CCDC198: variants seen among roughly 807,000 people sequenced by gnomAD.
CCDC198 encodes the protein factor associated with metabolism and energy.
A neutral mutation model predicts 35.6 loss-of-function variants in CCDC198; 18 were observed. The ratio of observed to expected loss-of-function variants is 0.51; its 90% CI spans 0.35 to 0.75. CCDC198 has a LOEUF of 0.75. Among genes scored for constraint, CCDC198 ranks in the 30% least tolerant of loss-of-function variants. The pLI, the probability that CCDC198 is intolerant of heterozygous loss-of-function variation, is 0.01. For synonymous variants in CCDC198, 119 were observed against 113.4 expected (o/e 1.05, Z -0.31); for missense variants, 365 against 343.7 (o/e 1.06, Z -0.49).
chr14:57,487,961 G>T (rs1165236672), intron 2 of CCDC198, among the ~76,000 whole-genome samples: 12 of 152,126 alleles, frequency 7.9e-5, no homozygotes, highest in Non-Finnish European at 1.5e-5. Flanking sequence ...AGTCTACAGG[G>T]GAGATGACTC....
rs545317188 is a variant in CCDC198, at chr14:57,485,623, G to C, written c.307-2472C>G. Among the ~76,000 whole-genome samples, 17 of 152,258 alleles carry C rather than the reference G, an allele frequency of 1.1e-4. No individual in the cohort carries two copies. In the South Asian group the frequency reaches 2.7e-3, roughly 24 times the overall value. ...CACTTGTAATGGGGAGCATGACCTG[G>C]GTTCCCCACTACTTCCCTGTACAAC... On this transcript the variant is annotated intron_variant, in intron 2 of 5. Transcript: ENST00000216445.
intron 1 of CCDC198, 56 bp downstream of exon 1, chr14:57,493,437 A>C: frequency 7.1e-7 from 1 of 1,415,718 alleles, no homozygotes; most frequent in Non-Finnish European, 1.0e-6. Flanking sequence ...AGATAAACCT[A>C]TTAATAATGC....
At chr14:57,480,211 A>G (rs2067136746) in intron 5 of CCDC198, 5 of 931,058 alleles carry the variant, frequency 5.4e-6, no homozygotes, top group Non-Finnish European at 6.4e-6. Flanking sequence ...GTGTCTGCAT[A>G]TGGTACCAAC....
intron 5 of CCDC198, chr14:57,480,190 C>G (rs1045748097): frequency 1.3e-6 from 1 of 788,576 alleles, no homozygotes; most frequent in Admixed American, 6.2e-5. Flanking sequence ...AGGGTGCAGT[C>G]AGGAAGATAA....
intron 5 of CCDC198, 65 bp from the exon 6 acceptor site, chr14:57,471,655 C>A: frequency 1.2e-6 from 1 of 847,926 alleles, no homozygotes; most frequent in South Asian, 1.9e-5. Context: ...TATTAAGTGC[C>A]TAGCTTAATA....
At chr14:57,477,165 G>A (rs1317931173) in intron 5 of CCDC198, among the ~76,000 whole-genome samples, 1 of 152,198 alleles carries the variant, frequency 6.6e-6, no homozygotes, top group East Asian at 1.9e-4. Context: ...AGAAGCACTT[G>A]TAAATACTAG....
chr14:57,481,128 T>C (rs931183304), intron 4 of CCDC198, among the ~76,000 whole-genome samples: 1 of 152,226 alleles, frequency 6.6e-6, no homozygotes, highest in Non-Finnish European at 1.5e-5. Context: ...AGGGTTTTTT[T>C]GTTTGTTTGG....
intron 5 of CCDC198, among the ~76,000 whole-genome samples, chr14:57,477,508 A>ACGCG (rs2067042580): frequency 2.0e-5 from 3 of 151,224 alleles, no homozygotes; most frequent in Admixed American, 1.3e-4. Flanking sequence ...ACACACACGT[A>ACGCG]CAGGAGTTGT....
intron 5 of CCDC198, among the ~76,000 whole-genome samples, chr14:57,472,820 G>A (rs371690435): frequency 4.2e-4 from 64 of 152,230 alleles, no homozygotes; most frequent in African/African-American, 1.5e-3. Flanking sequence ...AAGGAAAGCT[G>A]GCTTTTAAGA....
chr14:57,478,731 T>C (rs1440461988), intron 5 of CCDC198: 1 of 1,053,734 alleles, frequency 9.5e-7, no homozygotes, highest in African/African-American at 1.7e-5. Context: ...CAAAGGATAT[T>C]TCATTCTGAG....
Position 57,471,598 on chromosome 14 carries a change from A to G in CCDC198, c.656-8T>C. 1 of 1,492,338 alleles carries G rather than the reference A, an allele frequency of 6.7e-7. No homozygotes were observed. Among genetic ancestry groups the G allele is most frequent in the Non-Finnish European group, 9.1e-7 (1 of 1,096,062 alleles). The allele number at this position is 1,492,338 out of a possible 1,614,324, so 92.4% of individuals were successfully genotyped here. ...CTGTATTCTTTGAATTTCCTACAAA[A>G]AAATTAAGTTTCTTTAATTTTTTCC... On this transcript the variant is annotated splice_region_variant and splice_polypyrimidine_tract_variant and intron_variant, in intron 5 of 5. Coordinates refer to ENST00000216445, the MANE Select transcript of CCDC198 (RefSeq NM_018168.4).
chr14:57,480,519 C>T, intron 5 of CCDC198, 76 bp downstream of exon 5: 3 of 1,517,660 alleles, frequency 2.0e-6, no homozygotes, highest in Non-Finnish European at 2.7e-6. Context: ...CTCATCATGT[C>T]CCTCCCTTGG....
At chr14:57,471,729 AAT>A (rs34069987) in intron 5 of CCDC198, 139 bp from the exon 6 acceptor site, 150,520 of 164,208 alleles carry the variant, frequency 0.92, 70,179 homozygotes, top group South Asian at 0.99. Context: ...ATATATATAT[AAT>A]ATATATATAT....
At chr14:57,489,985 T>C (rs1454128346) in intron 2 of CCDC198, among the ~76,000 whole-genome samples, 2 of 152,192 alleles carry the variant, frequency 1.3e-5, no homozygotes, top group African/African-American at 2.4e-5. Flanking sequence ...AATGATTTTA[T>C]AGTTTCTAAT....
chr14:57,481,502 C>A, intron 4 of CCDC198, 57 bp downstream of exon 4: 2 of 1,167,556 alleles, frequency 1.7e-6, no homozygotes, highest in Non-Finnish European at 2.5e-6. Context: ...ATTCATGTGG[C>A]AGGGCAGTGA....
intron 5 of CCDC198, among the ~76,000 whole-genome samples, chr14:57,477,486 T>A (rs922997779): frequency 1.3e-5 from 2 of 150,864 alleles, no homozygotes; most frequent in Admixed American, 6.6e-5. Context: ...CACGTGTATC[T>A]CACACACACA....
intron 2 of CCDC198, among the ~76,000 whole-genome samples, chr14:57,484,557 C>T (rs2067294445): frequency 6.6e-6 from 1 of 152,128 alleles, no homozygotes; most frequent in African/African-American, 2.4e-5. Flanking sequence ...TAAGGTAGTA[C>T]CTTTTTAGTA....
At chr14:57,474,669 T>G (rs969428004) in intron 5 of CCDC198, among the ~76,000 whole-genome samples, 1 of 152,242 alleles carries the variant, frequency 6.6e-6, no homozygotes, top group Non-Finnish European at 1.5e-5. Context: ...ACTTGTTACA[T>G]TTTTATAAAT....
chr14:57,474,376 T>G (rs2066907586), intron 5 of CCDC198, among the ~76,000 whole-genome samples: 1 of 152,152 alleles, frequency 6.6e-6, no homozygotes, highest in Non-Finnish European at 1.5e-5. Context: ...CCATTCAGAC[T>G]GGGAACAGGA....
Sources: allele counts gnomAD v4.1 joint callset (sites outside exome capture counted in the v4.1 genomes callset), GRCh38; gene constraint gnomAD v4.1.1; transcripts MANE v1.5; gene names NCBI Gene and HGNC (gene_info 2026-07-23, HGNC 2026-07-21).